Variants in SYNE1 observed in about 807,000 individuals in gnomAD.
SYNE1 encodes nesprin-1.
A neutral mutation model predicts 1,111.0 loss-of-function variants in SYNE1; 616 were observed. That is an observed-to-expected ratio of 0.55 (90% CI 0.52 to 0.59). The LOEUF (loss-of-function observed/expected upper bound fraction) is 0.59. SYNE1 is among the 20% of genes least tolerant of loss of function. SYNE1 has a pLI of 0.00. For synonymous variants in SYNE1, 3,855 were observed against 3,825.8 expected (o/e 1.01, Z -0.28); for missense variants, 10,006 against 10,417.0 (o/e 0.96, Z 1.72).
At position 152,331,333 on chromosome 6, in the gene SYNE1, G is replaced by A; in HGVS notation, c.13352C>T (p.Ala4451Val). 6.2e-7 allele frequency: 1 copy of A among 1,614,184 alleles called. No homozygotes were observed. Among genetic ancestry groups the A allele is most frequent in the Non-Finnish European group, 8.5e-7 (1 of 1,180,034 alleles). The change falls in exon 78 of 146, where the codon GCC becomes GTC. Residue 4451 changes from alanine to valine, a missense_variant. Coordinates refer to ENST00000367255, the MANE Select transcript of SYNE1 (RefSeq NM_182961.4). ...VGQRRKYLNK[A>V]LSEKTQFLMA... The stretch of plus-strand genomic sequence containing the variant: ...GAGAAACTGGGTTTTCTCGGACAAG[G>A]CTTTGTTTAAGTACTTTCTTCGCTG...
chr6:152,590,150 G>A (rs1178562080), intron 3 of SYNE1, among the ~76,000 whole-genome samples: 2 of 150,820 alleles, frequency 1.3e-5, no homozygotes, highest in African/African-American at 4.9e-5. Context: ...ATCTCACTCT[G>A]TTACCAGGCC....
chr6:152,573,523 C>T (rs2099481467), intron 3 of SYNE1, among the ~76,000 whole-genome samples: 1 of 152,002 alleles, frequency 6.6e-6, no homozygotes, highest in African/African-American at 2.4e-5. Context: ...GATGAAAAAG[C>T]AGGTTGGATT....
chr6:152,135,685 C>A (rs2056902666), intron 141 of SYNE1, among the ~76,000 whole-genome samples: 1 of 152,184 alleles, frequency 6.6e-6, no homozygotes. Context: ...ACAGATAAGG[C>A]ACTGTACTAG....
chr6:152,482,964 GT>G, intron 14 of SYNE1, 120 bp downstream of exon 14: 1 of 1,119,716 alleles, frequency 8.9e-7, no homozygotes, highest in Non-Finnish European at 1.4e-6. Flanking sequence ...AAGGTGTGAC[GT>G]CTCCGATCAT....
chr6:152,225,592 C>T (rs2153484177), intron 116 of SYNE1, 129 bp downstream of exon 116: 1 of 1,118,256 alleles, frequency 8.9e-7, no homozygotes, highest in South Asian at 1.4e-5. Flanking sequence ...ACGAAGTGGA[C>T]TTAAAAGTAC....
chr6:152,465,762 CACAT>C lies in SYNE1; in HGVS notation c.1729+216_1729+219del, dbSNP rs10549697. Among the ~76,000 whole-genome samples, 20,492 of 142,552 alleles carry C rather than the reference CACAT, an allele frequency of 0.14. 1,569 individuals carry two copies. Among genetic ancestry groups the C allele is most frequent in the East Asian group, 0.38 (1,881 of 4,994 alleles). 93.5% of individuals were successfully genotyped at this position (142,552 alleles called of 152,430 possible). A position where few individuals can be genotyped will look rare whatever the true frequency, so the allele number is the denominator to read the frequency against. ...CTTATTTTGTTCTCTCTTAGAAGAA[CACAT>C]ACACACACACACACACACACACACA... On this transcript the variant is annotated intron_variant, in intron 17 of 145. Coordinates refer to ENST00000367255, the MANE Select transcript of SYNE1 (RefSeq NM_182961.4).
chr6:152,218,970 A>G lies in SYNE1; in HGVS notation c.22044+33T>C, dbSNP rs769568563. The G allele has an allele frequency of 6.2e-6, 10 of 1,606,144 alleles. No homozygotes were observed. The Admixed American group carries it at 1.5e-4, about 24-fold the overall frequency. On this transcript the variant is annotated intron_variant, in intron 120 of 145. Coordinates refer to ENST00000367255, the MANE Select transcript of SYNE1 (RefSeq NM_182961.4). ...GTGCCCAGATATTAGAGAACAGCCA[A>G]TATACAGAAGATACTAAATAGGAGC... is the stretch of plus-strand genomic sequence containing the variant.
intron 3 of SYNE1, among the ~76,000 whole-genome samples, chr6:152,585,435 G>A (rs1271670802): frequency 6.6e-6 from 1 of 152,206 alleles, no homozygotes; most frequent in Admixed American, 6.5e-5. Flanking sequence ...CTGACTCAAT[G>A]TTTATGCACG....
chr6:152,156,043 G>T lies in SYNE1; in HGVS notation c.23845C>A (p.Leu7949Met). The T allele has an allele frequency of 6.2e-7, 1 of 1,614,176 alleles. No homozygotes were observed. The highest frequency in any genetic ancestry group is 8.5e-7 in the Non-Finnish European group (1 of 1,180,034). ...CAGTCGTGCAGCAGGACTTCACACA[G>T]GTTGAGGACAGATGCAACACCTGTA... is the stretch of plus-strand genomic sequence containing the variant. ...HSTGVASVLN[L>M]CEVLLHDCDA... The change falls in exon 132 of 146, where the codon CTG (leucine) becomes ATG (methionine). Residue 7949 changes from leucine (L) to methionine (M), a missense_variant. By Grantham distance (15) the Leu-to-Met change is conservative. This residue lies in a region of SYNE1 where 2,182 missense variants were observed against 2,287.8 expected (regional missense o/e 0.95). Transcript: ENST00000367255.
intron 51 of SYNE1, among the ~76,000 whole-genome samples, chr6:152,392,462 C>A (rs1030940115): frequency 2.0e-5 from 3 of 152,024 alleles, no homozygotes; most frequent in Non-Finnish European, 4.4e-5. Context: ...CAGGAAAAAG[C>A]CCAGGATATC....
chr6:152,592,344 G>A (rs2099569325), intron 3 of SYNE1, among the ~76,000 whole-genome samples: 1 of 152,126 alleles, frequency 6.6e-6, no homozygotes, highest in Non-Finnish European at 1.5e-5. Context: ...ACTGGATGGA[G>A]AAAATGTAGT....
intron 3 of SYNE1, among the ~76,000 whole-genome samples, chr6:152,582,392 C>A (rs1213880480): frequency 6.6e-6 from 1 of 152,136 alleles, no homozygotes; most frequent in East Asian, 1.9e-4. Flanking sequence ...TCCCACTCAC[C>A]CCCTAAAAGT....
Position 152,155,869 on chromosome 6 carries a change from G to C in SYNE1, c.23978+41C>G, listed in dbSNP as rs1586405737. The C allele has an allele frequency of 3.7e-6, 6 of 1,608,564 alleles. No individual in the cohort carries two copies. In the East Asian group the frequency reaches 1.3e-4, roughly 36 times the overall value. ...TCTGGGTGATTTTTATTTTCTTTTTGGTCTTTCCTCTTCCCTATCTGTTTC... is the reference window on the plus strand; with the variant it reads ...TCTGGGTGATTTTTATTTTCTTTTTCGTCTTTCCTCTTCCCTATCTGTTTC... On this transcript the variant is annotated intron_variant, in intron 132 of 145. Coordinates refer to ENST00000367255, the MANE Select transcript of SYNE1 (RefSeq NM_182961.4).
chr6:152,499,334 G>A (rs1036691774), intron 10 of SYNE1, among the ~76,000 whole-genome samples: 12 of 151,872 alleles, frequency 7.9e-5, no homozygotes, highest in African/African-American at 2.7e-4. Context: ...AATATCTTAA[G>A]GGGAAAAGTT....
Position 152,385,803 on chromosome 6 carries a change from A to T in SYNE1, c.8523T>A (p.Asp2841Glu). The change falls in exon 55 of 146, where the codon GAT (aspartate) becomes GAA (glutamate). Residue 2841 changes from aspartate (D) to glutamate (E), a missense_variant. Coordinates refer to ENST00000367255, the MANE Select transcript of SYNE1 (RefSeq NM_182961.4). ...KMRKVEEIVKDHLMYLDAVHE... is the reference protein window; with the variant it reads ...KMRKVEEIVKEHLMYLDAVHE... The stretch of plus-strand genomic sequence containing the variant: ...GGACCGCATCTAAATACATTAGATG[A>T]TCTTTCACAATCTCTTCCACTTTCC... 2 of 1,614,088 alleles carry T rather than the reference A, an allele frequency of 1.2e-6. No homozygotes were observed. The highest frequency in any genetic ancestry group is 1.7e-6 in the Non-Finnish European group (2 of 1,179,958).
chr6:152,573,710 A>G (rs1006526710), intron 3 of SYNE1, among the ~76,000 whole-genome samples: 3 of 152,168 alleles, frequency 2.0e-5, no homozygotes, highest in African/African-American at 4.8e-5. Flanking sequence ...AGATTTCCCT[A>G]TAAAAGTCTG....
chr6:152,290,382 C>A (rs1442804533), intron 95 of SYNE1, among the ~76,000 whole-genome samples: 1 of 152,154 alleles, frequency 6.6e-6, no homozygotes, highest in Non-Finnish European at 1.5e-5. Context: ...CATGGTGAAA[C>A]CTCATCTCTA....
At position 152,329,958 on chromosome 6, in the gene SYNE1, C is replaced by A. The variant is rs767294195; in HGVS notation, c.14727G>T (p.Gly4909=). 8 of 1,614,186 alleles carry A rather than the reference C, an allele frequency of 5.0e-6. No individual in the cohort carries two copies. Among genetic ancestry groups the A allele is most frequent in the Non-Finnish European group, 6.8e-6 (8 of 1,180,024 alleles). Residue 4909 remains glycine, a synonymous_variant, in exon 78 of 146, where the codon GGG becomes GGT. Coordinates refer to ENST00000367255, the MANE Select transcript of SYNE1 (RefSeq NM_182961.4). ...GCAGGTTGAGGTCTAGGTACACCGG[C>A]CCACTGAGCTCTGCCTTCACTCTCC... is the stretch of plus-strand genomic sequence containing the variant. ...WLRRVKAELS[G]PVYLDLNLQD... is the part of the protein sequence containing the mutation.
chr6:152,158,954 C>T (rs2061884982), intron 131 of SYNE1, among the ~76,000 whole-genome samples: 1 of 152,154 alleles, frequency 6.6e-6, no homozygotes, highest in South Asian at 2.1e-4. Flanking sequence ...TCAGCTTCAA[C>T]TTTTTTTCTT....
Sources: allele counts gnomAD v4.1 joint callset (sites outside exome capture counted in the v4.1 genomes callset), GRCh38; gene constraint gnomAD v4.1.1; regional missense constraint gnomAD v4.1.1; transcripts MANE v1.5; gene names NCBI Gene and HGNC (gene_info 2026-07-23, HGNC 2026-07-21).